Variants in CACNA2D1 observed in about 807,000 individuals in gnomAD.
CACNA2D1 encodes calcium voltage-gated channel auxiliary subunit alpha2delta 1.
In CACNA2D1, 53 loss-of-function variants were observed where a neutral mutation model predicts 171.5. The observed-to-expected ratio is 0.31, with a 90% CI of 0.25 to 0.39. The LOEUF (loss-of-function observed/expected upper bound fraction) is 0.39. CACNA2D1 is among the 10% of genes least tolerant of loss of function. CACNA2D1 has a pLI of 1.00. For synonymous variants in CACNA2D1, 442 were observed against 443.1 expected (o/e 1.00, Z 0.03); for missense variants, 903 against 1,299.8 (o/e 0.69, Z 4.69).
chr7:82,264,209 C>T (rs997546025), intron 3 of CACNA2D1, among the ~76,000 whole-genome samples: 1 of 152,068 alleles, frequency 6.6e-6, no homozygotes, highest in African/African-American at 2.4e-5. Context: ...TTAATGATAC[C>T]CATGTGTGTA....
intron 3 of CACNA2D1, among the ~76,000 whole-genome samples, chr7:82,236,813 G>A (rs1383008412): frequency 4.6e-5 from 7 of 151,672 alleles, no homozygotes; most frequent in Non-Finnish European, 8.8e-5. Context: ...CCTCACTTAC[G>A]GCAGATTTTC....
intron 1 of CACNA2D1, among the ~76,000 whole-genome samples, chr7:82,401,177 A>G (rs1378461567): frequency 1.3e-5 from 2 of 152,170 alleles, no homozygotes; most frequent in Admixed American, 6.5e-5. Context: ...AACTAGAAAT[A>G]CCATTTGACG....
At chr7:82,042,741 A>G (rs534600715) in intron 10 of CACNA2D1, among the ~76,000 whole-genome samples, 26 of 151,974 alleles carry the variant, frequency 1.7e-4, no homozygotes, top group Non-Finnish European at 2.5e-4. Flanking sequence ...ACTTTTTCCC[A>G]CTATATGTAC....
At chr7:82,271,084 T>G (rs1808562324) in intron 3 of CACNA2D1, among the ~76,000 whole-genome samples, 1 of 152,148 alleles carries the variant, frequency 6.6e-6, no homozygotes, top group South Asian at 2.1e-4. Context: ...GCCTCTGCTC[T>G]GGCTTTTTTC....
At chr7:82,075,222 A>T (rs909385366) in intron 7 of CACNA2D1, among the ~76,000 whole-genome samples, 1 of 60,750 alleles carries the variant, frequency 1.6e-5, no homozygotes, top group Non-Finnish European at 4.6e-5. Context: ...CCATAATTAA[A>T]AAAAAAAAAA....
intron 6 of CACNA2D1, among the ~76,000 whole-genome samples, chr7:82,097,638 A>C (rs1225534112): frequency 6.6e-6 from 1 of 152,116 alleles, no homozygotes; most frequent in Non-Finnish European, 1.5e-5. Flanking sequence ...GGTGCTTCTG[A>C]GATATCCATT....
In CACNA2D1 at chr7:82,302,411, CT is replaced by C. The variant is rs200236524; in HGVS notation, c.294+32723del. On this transcript the variant is annotated intron_variant, in intron 3 of 38. Transcript: ENST00000356860. The stretch of plus-strand genomic sequence containing the variant: ...ATCCTCATCTCCATGATTTCTAATT[CT>C]TTTTTTTTTTTTTTGGAGACGGAGT... Among the ~76,000 whole-genome samples, 1,363 of 139,962 alleles carry C rather than the reference CT, an allele frequency of 9.7e-3. 5 individuals are homozygous for C. The highest frequency in any genetic ancestry group is 0.026 in the African/African-American group (975 of 37,972). 91.8% of individuals were successfully genotyped at this position (139,962 alleles called of 152,430 possible).
intron 3 of CACNA2D1, among the ~76,000 whole-genome samples, chr7:82,327,977 C>CAGAG (rs1457831181): frequency 2.2e-4 from 34 of 152,040 alleles, no homozygotes; most frequent in African/African-American, 8.0e-4. Flanking sequence ...GTTTTGTTCC[C>CAGAG]GGAGGGAAGC....
At chr7:82,280,676 A>AT in intron 3 of CACNA2D1, among the ~76,000 whole-genome samples, 1 of 152,212 alleles carries the variant, frequency 6.6e-6, no homozygotes, top group Middle Eastern at 3.4e-3. Context: ...CTTATTAATT[A>AT]TTTTAATTTA....
At chr7:82,369,255 G>A (rs1219247764) in intron 1 of CACNA2D1, among the ~76,000 whole-genome samples, 2 of 151,900 alleles carry the variant, frequency 1.3e-5, no homozygotes, top group Non-Finnish European at 2.9e-5. Context: ...ATACATAGTA[G>A]GAATTCATTA....
At chr7:82,094,685 A>C (rs1311466335) in intron 6 of CACNA2D1, among the ~76,000 whole-genome samples, 3 of 152,202 alleles carry the variant, frequency 2.0e-5, no homozygotes, top group African/African-American at 7.2e-5. Context: ...AAAACCTTAG[A>C]TTTTTCAAAT....
At chr7:82,261,160 G>A (rs1013500349) in intron 3 of CACNA2D1, among the ~76,000 whole-genome samples, 2 of 152,128 alleles carry the variant, frequency 1.3e-5, no homozygotes, top group Non-Finnish European at 2.9e-5. Flanking sequence ...TTACCATGTT[G>A]GCCAGGCTGG....
rs542757526 is a variant in CACNA2D1, at chr7:81,967,509, T to C, written c.2463+87A>G. ...CAGTGTAGTGGTATTGAGAATGTAT[T>C]TGCCACTGTATAAGGACCTTATATT... On this transcript the variant is annotated intron_variant, in intron 30 of 38. Transcript: ENST00000356860. The C allele has an allele frequency of 1.6e-5, 12 of 728,070 alleles. No individual in the cohort carries two copies. The South Asian group carries it at 1.8e-4, about 11-fold the overall frequency. The allele number at this position is 728,070 out of a possible 1,614,324, so 45.1% of individuals were successfully genotyped here.
intron 3 of CACNA2D1, among the ~76,000 whole-genome samples, chr7:82,321,817 G>C (rs1414179461): frequency 6.6e-6 from 1 of 152,070 alleles, no homozygotes; most frequent in Non-Finnish European, 1.5e-5. Context: ...CAGATGTTAG[G>C]AATCATTTCT....
At chr7:82,020,597 G>T (rs942531598) in intron 12 of CACNA2D1, among the ~76,000 whole-genome samples, 5 of 152,028 alleles carry the variant, frequency 3.3e-5, no homozygotes, top group Non-Finnish European at 7.4e-5. Context: ...AGTATTAAAT[G>T]ATGTAATATT....
At chr7:82,358,378 T>C (rs1270473949) in intron 1 of CACNA2D1, among the ~76,000 whole-genome samples, 1 of 152,184 alleles carries the variant, frequency 6.6e-6, no homozygotes, top group African/African-American at 2.4e-5. Context: ...GTTATCTACA[T>C]TAAATCGTAG....
rs796161747 is a variant in CACNA2D1, at chr7:82,150,282, CAA to C, written c.355-13608_355-13607del. 7.8e-4 allele frequency among the ~76,000 whole-genome samples: 81 copies of C among 103,220 alleles called. 3 individuals are homozygous for C. Among genetic ancestry groups the C allele is most frequent in the African/African-American group, 1.7e-3 (48 of 28,834 alleles). The allele number at this position is 103,220 out of a possible 152,430, so 67.7% of individuals were successfully genotyped here. On this transcript the variant is annotated intron_variant, in intron 4 of 38. Transcript: ENST00000356860. ...TAAAAAAAAAAAACAAAAACAACAA[CAA>C]AAAAAAACACCCTAGTAGCTGGGTT...
At chr7:82,387,467 C>T (rs1372471612) in intron 1 of CACNA2D1, among the ~76,000 whole-genome samples, 1 of 152,144 alleles carries the variant, frequency 6.6e-6, no homozygotes, top group Non-Finnish European at 1.5e-5. Context: ...ATATTGTTAG[C>T]TGCTTTTGCA....
chr7:82,319,203 G>T (rs931489069), intron 3 of CACNA2D1, among the ~76,000 whole-genome samples: 1 of 152,034 alleles, frequency 6.6e-6, no homozygotes, highest in Non-Finnish European at 1.5e-5. Context: ...CTATTTTAAG[G>T]TCTCATATAA....
Sources: gnomAD v4.1 joint callset for allele counts (sites outside exome capture counted in the v4.1 genomes callset) on GRCh38, gnomAD v4.1.1 for gene constraint, MANE v1.5 for transcripts, NCBI Gene and HGNC (gene_info 2026-07-23, HGNC 2026-07-21) for gene names.